The following EEFSEC variants were observed in gnomAD, a reference collection of about 807,000 sequenced individuals.
EEFSEC encodes selenocysteine-specific elongation factor.
A neutral mutation model predicts 42.1 loss-of-function variants in EEFSEC; 43 were observed. The ratio of observed to expected loss-of-function variants is 1.02; its 90% confidence interval spans 0.80 to 1.32. The LOEUF (loss-of-function observed/expected upper bound fraction) is 1.32. Among genes scored for constraint, EEFSEC ranks in the 40% most tolerant of loss-of-function variants. The pLI, the probability that EEFSEC is intolerant of heterozygous loss-of-function variation, is 0.00. For synonymous variants in EEFSEC, 354 were observed against 339.1 expected (o/e 1.04, Z -0.48); for missense variants, 745 against 803.6 (o/e 0.93, Z 0.88).
chr3:128,220,540 A>G (rs1318393212), intron 1 of EEFSEC, among the ~76,000 whole-genome samples: 1 of 152,176 alleles, frequency 6.6e-6, no homozygotes. Context: ...CTGGTGAAGT[A>G]TGGCTATGGA....
intron 4 of EEFSEC, among the ~76,000 whole-genome samples, chr3:128,335,923 A>C (rs2067185229): frequency 6.6e-6 from 1 of 152,250 alleles, no homozygotes. Context: ...TTCCCCTGAC[A>C]TCAGAGCGTT....
chr3:128,192,938 G>A (rs2065541740), intron 1 of EEFSEC, among the ~76,000 whole-genome samples: 1 of 152,180 alleles, frequency 6.6e-6, no homozygotes. Context: ...AACAGGGACT[G>A]TACAGCACTG....
intron 5 of EEFSEC, among the ~76,000 whole-genome samples, chr3:128,351,891 G>GT (rs2067390069): frequency 6.6e-6 from 1 of 152,216 alleles, no homozygotes; most frequent in South Asian, 2.1e-4. Flanking sequence ...TGTTGTAACT[G>GT]TGCTGGCCTG....
intron 6 of EEFSEC, among the ~76,000 whole-genome samples, chr3:128,361,767 A>AT (rs2067528449): frequency 6.6e-6 from 1 of 152,140 alleles, no homozygotes; most frequent in Non-Finnish European, 1.5e-5. Context: ...AGACCTTGCC[A>AT]TTTGCAGAAT....
At chr3:128,192,782 C>T (rs1426308041) in intron 1 of EEFSEC, among the ~76,000 whole-genome samples, 1 of 152,146 alleles carries the variant, frequency 6.6e-6, no homozygotes, top group Non-Finnish European at 1.5e-5. Context: ...CCTCCCACCC[C>T]CAATACTTTT....
intron 1 of EEFSEC, among the ~76,000 whole-genome samples, chr3:128,234,955 A>G (rs1184387151): frequency 6.6e-6 from 1 of 152,252 alleles, no homozygotes; most frequent in Non-Finnish European, 1.5e-5. Flanking sequence ...CTAGAACTTA[A>G]TAACAGTGTT....
At chr3:128,256,249 C>A (rs1003602985) in intron 2 of EEFSEC, among the ~76,000 whole-genome samples, 3 of 152,110 alleles carry the variant, frequency 2.0e-5, no homozygotes, top group Non-Finnish European at 4.4e-5. Flanking sequence ...TAGTATCTAG[C>A]TAGAATTTAA....
Position 128,204,276 on chromosome 3 carries a change from G to T in EEFSEC, c.317-42560G>T, listed in dbSNP as rs115722426. Among the ~76,000 whole-genome samples, 734 of 152,162 alleles carry T rather than the reference G, an allele frequency of 4.8e-3. 10 individuals carry two copies. The highest frequency in any genetic ancestry group is 0.017 in the African/African-American group (693 of 41,496). On this transcript the variant is annotated intron_variant, in intron 1 of 6. Transcript: ENST00000254730. ...TCTGTAAAATAAGGATAATAATATT[G>T]TATGTACTTATGACAGTCATTGTAA...
At chr3:128,266,359 G>A (rs1203805726) in intron 4 of EEFSEC, among the ~76,000 whole-genome samples, 1 of 152,052 alleles carries the variant, frequency 6.6e-6, no homozygotes, top group Non-Finnish European at 1.5e-5. Context: ...TGGCACCCAT[G>A]TCTTGCGTGT....
chr3:128,423,383 G>A, the EEFSEC span, among the ~76,000 whole-genome samples: 1 of 152,158 alleles, frequency 6.6e-6, no homozygotes, highest in Non-Finnish European at 1.5e-5. Flanking sequence ...GGAGGCTGAG[G>A]TGAAAGGATC....
chr3:128,257,826 G>A (rs1385653829), intron 2 of EEFSEC, among the ~76,000 whole-genome samples: 5 of 152,126 alleles, frequency 3.3e-5, no homozygotes, highest in East Asian at 1.9e-4. Context: ...GCCTGTGCGC[G>A]TCAAGCTGTC....
Position 128,354,220 on chromosome 3 carries a change from G to A in EEFSEC, c.1444-3997G>A, listed in dbSNP as rs771247174. 2.1e-3 allele frequency among the ~76,000 whole-genome samples: 321 copies of A among 152,248 alleles called. 1 individual carries two copies. Among genetic ancestry groups the A allele is most frequent in the African/African-American group, 7.4e-3 (307 of 41,536 alleles). On this transcript the variant is annotated intron_variant, in intron 5 of 6. Transcript: ENST00000254730. ...GTGCCTCCCCCACAAATGGAACTGCGGACACAGAAGTTCGCAGGAGAGTAT... is the reference window on the plus strand; with the variant it reads ...GTGCCTCCCCCACAAATGGAACTGCAGACACAGAAGTTCGCAGGAGAGTAT...
chr3:128,252,281 G>C (rs1237263293), intron 2 of EEFSEC, among the ~76,000 whole-genome samples: 5 of 152,190 alleles, frequency 3.3e-5, no homozygotes, highest in East Asian at 1.9e-4. Context: ...TTGACTAGGT[G>C]TATTTTCCAT....
At chr3:128,205,318 C>T (rs527933947) in intron 1 of EEFSEC, among the ~76,000 whole-genome samples, 1 of 152,242 alleles carries the variant, frequency 6.6e-6, no homozygotes, top group South Asian at 2.1e-4. Context: ...ACTGAGGAGA[C>T]AAACACAGAA....
chr3:128,183,742 T>C (rs937822587), intron 1 of EEFSEC, among the ~76,000 whole-genome samples: 5 of 152,220 alleles, frequency 3.3e-5, no homozygotes, highest in African/African-American at 7.2e-5. Context: ...TGTCTTTTTC[T>C]TCCTCATTTG....
chr3:128,316,428 G>A (rs964172317), intron 4 of EEFSEC, among the ~76,000 whole-genome samples: 1 of 152,122 alleles, frequency 6.6e-6, no homozygotes, highest in Non-Finnish European at 1.5e-5. Context: ...GATGCCTACC[G>A]CTCTCCCCCT....
intron 1 of EEFSEC, among the ~76,000 whole-genome samples, chr3:128,215,946 C>T (rs547383539): frequency 6.6e-6 from 1 of 152,206 alleles, no homozygotes; most frequent in East Asian, 1.9e-4. Flanking sequence ...GAGCTGGGAC[C>T]AGAGTTCCTA....
chr3:128,196,147 A>G (rs185324070), intron 1 of EEFSEC, among the ~76,000 whole-genome samples: 151 of 152,332 alleles, frequency 9.9e-4, no homozygotes, highest in African/African-American at 3.3e-3. Context: ...ATAAAAAGGA[A>G]ATGAAACCAA....
chr3:128,184,822 T>G, intron 1 of EEFSEC, among the ~76,000 whole-genome samples: 1 of 152,208 alleles, frequency 6.6e-6, no homozygotes, highest in East Asian at 1.9e-4. Flanking sequence ...AAATTCTCAA[T>G]TGTATCACAA....
Sources: gnomAD v4.1 joint callset for allele counts (sites outside exome capture counted in the v4.1 genomes callset) on GRCh38, gnomAD v4.1.1 for gene constraint, MANE v1.5 for transcripts, NCBI Gene and HGNC (gene_info 2026-07-23, HGNC 2026-07-21) for gene names.